Variants in ZNF433 observed in about 807,000 individuals in gnomAD.
The protein encoded by ZNF433 is zinc finger protein 433.
Under a neutral mutation model 10.6 loss-of-function variants are expected in ZNF433, and 12 were observed. The ratio of observed to expected loss-of-function variants is 1.13; its 90% confidence interval spans 0.72 to 1.83. The LOEUF (loss-of-function observed/expected upper bound fraction) is 1.83. Among genes scored for constraint, ZNF433 ranks in the 40% most tolerant of loss-of-function variants. ZNF433 has a pLI of 0.00. For synonymous variants in ZNF433, 272 were observed against 271.3 expected, an observed-to-expected ratio of 1.00 and a Z score of -0.02; for missense variants, 737 against 798.0, an observed-to-expected ratio of 0.92 and a Z score of 0.92.
chr19:12,020,527 A>G (rs2145425917), intron 1 of ZNF433, among the ~76,000 whole-genome samples: 1 of 152,340 alleles, frequency 6.6e-6, no homozygotes, highest in South Asian at 2.1e-4. Context: ...CAAGTGTATC[A>G]TGAGAAACAC....
At chr19:12,028,918 C>T (rs898242305) in intron 1 of ZNF433, among the ~76,000 whole-genome samples, 13 of 152,192 alleles carry the variant, frequency 8.5e-5, no homozygotes, top group East Asian at 3.9e-4. Flanking sequence ...CTCAAACTCC[C>T]GGGCTCAAGC....
At chr19:12,021,084 A>G (rs1211801071) in intron 1 of ZNF433, among the ~76,000 whole-genome samples, 3 of 151,284 alleles carry the variant, frequency 2.0e-5, no homozygotes, top group Non-Finnish European at 1.5e-5. Flanking sequence ...GGTTCAAGCA[A>G]TTCTCCTGCC....
In ZNF433 at chr19:12,015,535, G is replaced by T. The variant is rs1974131246; in HGVS notation, c.1323C>A (p.His441Gln). Reference protein sequence around the residue: ...ASLLQTHGRTHTGEKPYACKE... With the variant: ...ASLLQTHGRTQTGEKPYACKE... ...TACATGCATAGGGTTTCTCTCCCGTGTGAGTCCTACCATGTGTTTGAAGGA... is the reference window on the plus strand; with the variant it reads ...TACATGCATAGGGTTTCTCTCCCGTTTGAGTCCTACCATGTGTTTGAAGGA... The change falls in exon 4 of 4, where the codon CAC (histidine) becomes CAA (glutamine). Residue 441 changes from histidine (H) to glutamine (Q), a missense_variant. Transcript: ENST00000550507. 7.4e-6 allele frequency: 12 copies of T among 1,613,956 alleles called. No individual in the cohort carries two copies. The East Asian group carries it at 2.7e-4, about 36-fold the overall frequency.
chr19:12,034,691 G>A (rs1975192238), intron 1 of ZNF433: 2 of 404,852 alleles, frequency 4.9e-6, no homozygotes, highest in African/African-American at 2.1e-5. Context: ...CTTCACTTAA[G>A]CAATCCTTCC....
At chr19:12,019,925 TTAAAAA>T (rs1176381352) in intron 1 of ZNF433, among the ~76,000 whole-genome samples, 1 of 151,778 alleles carries the variant, frequency 6.6e-6, no homozygotes, top group Non-Finnish European at 1.5e-5. Context: ...TTTACAATAA[TTAAAAA>T]TAATAAATCA....
At chr19:12,031,359 A>G (rs1356277015) in intron 1 of ZNF433, among the ~76,000 whole-genome samples, 1 of 151,522 alleles carries the variant, frequency 6.6e-6, no homozygotes, top group Admixed American at 6.6e-5. Flanking sequence ...ATGTTAAAAT[A>G]GATATCAAGC....
chr19:12,031,019 T>C (rs1974990145), intron 1 of ZNF433, among the ~76,000 whole-genome samples: 1 of 151,912 alleles, frequency 6.6e-6, no homozygotes, highest in Non-Finnish European at 1.5e-5. Flanking sequence ...GGGGTTGCAG[T>C]GGTGTGGCTG....
intron 1 of ZNF433, among the ~76,000 whole-genome samples, chr19:12,031,325 AAAC>A (rs1975018891): frequency 1.3e-5 from 2 of 149,848 alleles, no homozygotes; most frequent in African/African-American, 5.0e-5. Flanking sequence ...ACAAAAAAAA[AAAC>A]AAAGCAGCTG....
At chr19:12,032,769 C>G (rs527288889) in intron 1 of ZNF433, among the ~76,000 whole-genome samples, 6 of 152,234 alleles carry the variant, frequency 3.9e-5, no homozygotes, top group Admixed American at 3.3e-4. Flanking sequence ...CAGGTGTGAG[C>G]CACTGCATCC....
chr19:12,029,154 T>C (rs369548123), intron 1 of ZNF433, among the ~76,000 whole-genome samples: 1 of 152,152 alleles, frequency 6.6e-6, no homozygotes, highest in Non-Finnish European at 1.5e-5. Flanking sequence ...ATGAAATGCA[T>C]AGGCAGGTTT....
chr19:12,024,660 T>G (rs1259408162), intron 1 of ZNF433: 1 of 152,190 alleles, frequency 6.6e-6, no homozygotes, highest in Non-Finnish European at 1.5e-5. Flanking sequence ...AAAGCTCAGA[T>G]AAATAGAATA....
At chr19:12,022,033 CAT>C in intron 1 of ZNF433, 1 of 455,226 alleles carries the variant, frequency 2.2e-6, no homozygotes, top group Non-Finnish European at 4.4e-6. Context: ...CAAATCTGGC[CAT>C]AAACTGGCTC....
At chr19:12,031,307 A>T (rs1016389681) in intron 1 of ZNF433, among the ~76,000 whole-genome samples, 2 of 130,814 alleles carry the variant, frequency 1.5e-5, no homozygotes, top group Non-Finnish European at 3.0e-5. Flanking sequence ...AAAAAAAAAA[A>T]AAACAAAACA....
rs149339544 is a variant in ZNF433, at chr19:12,026,691, T to G, written c.4-8399A>C. The G allele has an allele frequency of 2.3e-3, 1,053 of 454,046 alleles. 8 individuals carry two copies. Among genetic ancestry groups the G allele is most frequent in the African/African-American group, 0.019 (957 of 50,092 alleles). 28.1% of individuals were successfully genotyped at this position (454,046 alleles called of 1,614,324 possible). A position where few individuals can be genotyped will look rare whatever the true frequency, so the allele number is the denominator to read the frequency against. On this transcript the variant is annotated intron_variant, in intron 1 of 3. Transcript: ENST00000550507. ...CAGGATTGGACCTGGTCAGAAAAAA[T>G]GAACGTACTTGTTTGGGAAGATTGC...
At chr19:12,034,332 A>G (rs779958572) in intron 1 of ZNF433, among the ~76,000 whole-genome samples, 9 of 152,228 alleles carry the variant, frequency 5.9e-5, no homozygotes, top group Non-Finnish European at 1.0e-4. Flanking sequence ...TGAAGTTTAA[A>G]GTAATGTGAC....
intron 1 of ZNF433, among the ~76,000 whole-genome samples, chr19:12,019,167 C>T (rs1355882688): frequency 6.6e-6 from 1 of 151,524 alleles, no homozygotes; most frequent in African/African-American, 2.4e-5. Context: ...ATGCCTGTAA[C>T]CCCACCACTT....
chr19:12,030,312 C>G (rs1974955498), intron 1 of ZNF433: 1 of 277,494 alleles, frequency 3.6e-6, no homozygotes, highest in African/African-American at 2.3e-5. Flanking sequence ...CCTCTGCCTC[C>G]CAGGTTGAAG....
rs1206010946 is a variant in ZNF433, at chr19:12,015,834, T to C, written c.1024A>G (p.Lys342Glu). 1.9e-6 allele frequency: 3 copies of C among 1,614,182 alleles called. No individual in the cohort carries two copies. The highest frequency in any genetic ancestry group is 2.2e-5 in the East Asian group (1 of 44,884). Residue 342 changes from lysine (K) to glutamate (E), a missense_variant, in exon 4 of 4, where the codon AAA becomes GAA. Lys to Glu is a moderately conservative substitution (Grantham distance 56, BLOSUM62 1). Coordinates refer to ENST00000550507, the MANE Select transcript of ZNF433 (RefSeq NM_001308348.2). ...KKPYECKHCG[K>E]VLSYLTSFQN... ...AAGCTGGTAAGATAAGATAATACTT[T>C]CCCACAATGTTTACATTCATAGGGT... is the stretch of plus-strand genomic sequence containing the variant.
Position 12,016,092 on chromosome 19 carries a change from A to G in ZNF433, c.766T>C (p.Cys256Arg). The G allele has an allele frequency of 6.2e-7, 1 of 1,614,152 alleles. No homozygotes were observed. The highest frequency in any genetic ancestry group is 8.5e-7 in the Non-Finnish European group (1 of 1,180,024). The change falls in exon 4 of 4, where the codon TGT becomes CGT. Residue 256 changes from cysteine to arginine, a missense_variant. Cys to Arg is a radical substitution (Grantham distance 180). Coordinates refer to ENST00000550507, the MANE Select transcript of ZNF433 (RefSeq NM_001308348.2). ...GTGGAACTATGGAATGCTTTCCCAC[A>G]TTCATTACATTTATAAGGCTTCTCC... ...TGEKPYKCNE[C>R]GKAFHSSTCL...
Sources: allele counts gnomAD v4.1 joint callset (sites outside exome capture counted in the v4.1 genomes callset), GRCh38; gene constraint gnomAD v4.1.1; transcripts MANE v1.5; gene names NCBI Gene and HGNC (gene_info 2026-07-23, HGNC 2026-07-21).